Variants in AFF1 observed in about 807,000 individuals in gnomAD.
AFF1 encodes ALF transcription elongation factor 1.
In AFF1, 48 loss-of-function variants were observed where a neutral mutation model predicts 121.7. The ratio of observed to expected loss-of-function variants is 0.39; its 90% CI spans 0.31 to 0.50. The LOEUF is 0.50. AFF1 is among the 20% of genes least tolerant of loss of function. The pLI is 0.76. For synonymous variants in AFF1, 613 were observed against 563.0 expected, an observed-to-expected ratio of 1.09 and a Z score of -1.26; for missense variants, 1,523 against 1,511.7, an observed-to-expected ratio of 1.01 and a Z score of -0.12.
At chr4:87,079,153 G>A (rs1167552248) in intron 4 of AFF1, among the ~76,000 whole-genome samples, 1 of 152,042 alleles carries the variant, frequency 6.6e-6, no homozygotes, top group Non-Finnish European at 1.5e-5. Flanking sequence ...TCTATTTCCT[G>A]GTTAGTGATA....
At chr4:86,938,068 G>A (rs1238518553) in intron 1 of AFF1, among the ~76,000 whole-genome samples, 1 of 152,122 alleles carries the variant, frequency 6.6e-6, no homozygotes, top group African/African-American at 2.4e-5. Context: ...TAATTTGTGG[G>A]CCCAAAGTTC....
intron 2 of AFF1, among the ~76,000 whole-genome samples, chr4:87,015,695 T>C (rs2149546617): frequency 6.6e-6 from 1 of 152,310 alleles, no homozygotes; most frequent in East Asian, 1.9e-4. Context: ...ATTTTAGCAG[T>C]CATGTTTCTT....
intron 2 of AFF1, among the ~76,000 whole-genome samples, chr4:86,969,421 G>C (rs1367264717): frequency 2.0e-5 from 3 of 152,088 alleles, no homozygotes; most frequent in Non-Finnish European, 4.4e-5. Flanking sequence ...AGAGGTTGCA[G>C]TGAGCTGAGA....
At chr4:87,115,423 G>T (rs889809167) in intron 12 of AFF1, 124 bp downstream of exon 12, 22 of 1,038,586 alleles carry the variant, frequency 2.1e-5, no homozygotes, top group Non-Finnish European at 3.0e-5. Context: ...GCTTTGATTC[G>T]CTGTAGCCTT....
chr4:87,040,283 G>A (rs1730003600), intron 2 of AFF1, among the ~76,000 whole-genome samples: 1 of 152,212 alleles, frequency 6.6e-6, no homozygotes, highest in South Asian at 2.1e-4. Context: ...CTCAAGGACA[G>A]GCCTGTGTGG....
At chr4:87,077,576 C>G (rs940236195) in intron 4 of AFF1, among the ~76,000 whole-genome samples, 6 of 151,962 alleles carry the variant, frequency 3.9e-5, no homozygotes, top group Admixed American at 2.6e-4. Context: ...TATTCCTTCC[C>G]CCAGCCTCCA....
In AFF1 at chr4:86,948,667, TAAG is replaced by T. The variant is rs991529410; in HGVS notation, c.38+99_38+101del. 7.0e-5 allele frequency: 86 copies of T among 1,223,868 alleles called. No individual in the cohort carries two copies. The East Asian group carries it at 8.0e-4, about 11-fold the overall frequency. The allele number at this position is 1,223,868 out of a possible 1,614,324, so 75.8% of individuals were successfully genotyped here. ...TTTGGTCTTTTTCAATTTTGCAACT[TAAG>T]AACTCACGGGTGCAAGAAAATGTTT... On this transcript the variant is annotated intron_variant, in intron 2 of 20. Transcript: ENST00000395146.
chr4:87,031,047 C>G (rs72667759), intron 2 of AFF1, among the ~76,000 whole-genome samples: 31,878 of 152,052 alleles, frequency 0.21, 3,512 homozygotes, highest in East Asian at 0.33. Context: ...GGAAAGCCCA[C>G]AGGCCGTTGT....
chr4:86,995,446 C>A (rs1227412499), intron 2 of AFF1, among the ~76,000 whole-genome samples: 1 of 150,708 alleles, frequency 6.6e-6, no homozygotes, highest in Non-Finnish European at 1.5e-5. Flanking sequence ...CGAGTGCCTG[C>A]GATTGCAGGC....
intron 8 of AFF1, among the ~76,000 whole-genome samples, chr4:87,096,190 G>T (rs1029440879): frequency 3.9e-5 from 6 of 151,928 alleles, no homozygotes; most frequent in African/African-American, 1.2e-4. Context: ...TTTTGTGCAT[G>T]TGGTAAGAAT....
At chr4:86,986,035 C>CAATTTAATTTAATTTAATTT (rs200276708) in intron 2 of AFF1, among the ~76,000 whole-genome samples, 62 of 137,702 alleles carry the variant, frequency 4.5e-4, no homozygotes, top group South Asian at 1.2e-3. Flanking sequence ...AAATTTAATT[C>CAATTTAATTTAATTTAATTT]AATTCAATTT....
At chr4:87,087,288 A>G (rs1723835749) in intron 5 of AFF1, among the ~76,000 whole-genome samples, 1 of 152,228 alleles carries the variant, frequency 6.6e-6, no homozygotes, top group South Asian at 2.1e-4. Flanking sequence ...TTTCATGGAG[A>G]TCAGAGTAGG....
intron 2 of AFF1, among the ~76,000 whole-genome samples, chr4:86,998,090 C>G: frequency 1.2e-5 from 1 of 81,582 alleles, no homozygotes; most frequent in South Asian, 4.1e-4. Flanking sequence ...AAGAGCGAAA[C>G]TCCGTCTCAA....
At chr4:87,004,811 C>T (rs1165762020) in intron 2 of AFF1, among the ~76,000 whole-genome samples, 1 of 152,096 alleles carries the variant, frequency 6.6e-6, no homozygotes, top group Non-Finnish European at 1.5e-5. Flanking sequence ...AAAGAAAATC[C>T]AACTTCACAC....
At chr4:87,034,384 G>A (rs1729358190) in intron 2 of AFF1, among the ~76,000 whole-genome samples, 1 of 152,210 alleles carries the variant, frequency 6.6e-6, no homozygotes, top group Admixed American at 6.5e-5. Flanking sequence ...TTTCAGCAGT[G>A]GAAGGACCGC....
chr4:87,122,859 A>AGGG (rs1727836681), intron 12 of AFF1, among the ~76,000 whole-genome samples: 4 of 140,776 alleles, frequency 2.8e-5, no homozygotes, highest in Admixed American at 2.2e-4. Context: ...AAACTATAAA[A>AGGG]GGGGAGGAAA....
Position 87,114,780 on chromosome 4 carries a change from G to T in AFF1, c.1947G>T (p.Lys649Asn). Residue 649 changes from lysine (K) to asparagine (N), a missense_variant, in exon 12 of 21, where the codon AAG becomes AAT. Transcript: ENST00000395146. ...CCCGAGACCAGACTTCCAAAGACAA[G>T]CCCAAGGTGAAGACGAAAGGACGGC... ...YGSRDQTSKD[K>N]PKVKTKGRPR... The T allele has an allele frequency of 6.2e-7, 1 of 1,613,324 alleles. No homozygotes were observed. The highest frequency in any genetic ancestry group is 8.5e-7 in the Non-Finnish European group (1 of 1,179,756).
intron 2 of AFF1, among the ~76,000 whole-genome samples, chr4:87,020,146 G>A (rs1217784746): frequency 2.0e-5 from 3 of 152,178 alleles, no homozygotes; most frequent in Admixed American, 6.5e-5. Context: ...TGTCCTTTGT[G>A]TATCACAGCT....
At chr4:86,981,667 G>A (rs757098765) in intron 2 of AFF1, among the ~76,000 whole-genome samples, 99 of 152,276 alleles carry the variant, frequency 6.5e-4, no homozygotes, top group Non-Finnish European at 1.2e-3. Flanking sequence ...AGGACCCCTG[G>A]CCTAGTTACT....
Sources: gnomAD v4.1 joint callset for allele counts (sites outside exome capture counted in the v4.1 genomes callset) on GRCh38, gnomAD v4.1.1 for gene constraint, MANE v1.5 for transcripts, NCBI Gene and HGNC (gene_info 2026-07-23, HGNC 2026-07-21) for gene names.